ERC2: variants seen among roughly 807,000 people sequenced by gnomAD.
ERC2 encodes ELKS/RAB6-interacting/CAST family member 2.
ERC2 carries 42 observed loss-of-function variants against 114.8 expected under a neutral mutation model. The ratio of observed to expected loss-of-function variants is 0.37; its 90% confidence interval spans 0.29 to 0.47. The LOEUF (loss-of-function observed/expected upper bound fraction) is 0.47, where lower values mean the gene tolerates loss of function less well. Ranked by LOEUF, ERC2 falls within the 20% of genes least tolerant of loss-of-function variation. ERC2 has a pLI of 0.99. For missense variants in ERC2, 939 were observed against 1,150.7 expected (o/e 0.82, Z 2.66); for synonymous variants, 454 against 425.5 (o/e 1.07, Z -0.82).
chr3:56,275,252 T>A (rs2053918040), intron 3 of ERC2, among the ~76,000 whole-genome samples: 1 of 152,218 alleles, frequency 6.6e-6, no homozygotes, highest in African/African-American at 2.4e-5. Context: ...GGCAGAGCAC[T>A]AACTCAAGCA....
intron 14 of ERC2, among the ~76,000 whole-genome samples, chr3:55,844,027 T>C (rs1294099721): frequency 6.6e-6 from 1 of 152,194 alleles, no homozygotes; most frequent in Non-Finnish European, 1.5e-5. Context: ...ATGGAAACCA[T>C]GCCAAAGTAA....
chr3:55,904,372 G>A (rs1056187942), intron 13 of ERC2, among the ~76,000 whole-genome samples: 12 of 152,274 alleles, frequency 7.9e-5, no homozygotes, highest in South Asian at 6.2e-4. Context: ...CCCCCTGATC[G>A]AAAATACAGC....
chr3:56,403,554 G>C (rs778977052), intron 2 of ERC2, among the ~76,000 whole-genome samples: 1 of 152,146 alleles, frequency 6.6e-6, no homozygotes, highest in Non-Finnish European at 1.5e-5. Flanking sequence ...TCCACGGACC[G>C]GCAGTATCGG....
chr3:56,341,790 G>T (rs1463964875), intron 2 of ERC2, among the ~76,000 whole-genome samples: 1 of 151,956 alleles, frequency 6.6e-6, no homozygotes, highest in Non-Finnish European at 1.5e-5. Context: ...TCTAATTATT[G>T]GTGATCCCTG....
At chr3:56,183,962 C>T (rs775150075) in intron 3 of ERC2, among the ~76,000 whole-genome samples, 33 of 152,034 alleles carry the variant, frequency 2.2e-4, no homozygotes, top group Non-Finnish European at 4.7e-4. Flanking sequence ...GACAGGGAAA[C>T]AGTTTCCATG....
chr3:56,175,215 A>G (rs1403670198), intron 3 of ERC2, among the ~76,000 whole-genome samples: 1 of 152,174 alleles, frequency 6.6e-6, no homozygotes, highest in African/African-American at 2.4e-5. Context: ...CAGGAATCTG[A>G]AAAGAATATT....
intron 3 of ERC2, among the ~76,000 whole-genome samples, chr3:56,247,272 A>AAT (rs142454022): frequency 0.015 from 2,343 of 152,304 alleles, 63 homozygotes; most frequent in African/African-American, 0.052. Flanking sequence ...AGAATTATAG[A>AAT]ATATTTTTCT....
chr3:56,215,462 A>G (rs1404119564), intron 3 of ERC2, among the ~76,000 whole-genome samples: 1 of 152,240 alleles, frequency 6.6e-6, no homozygotes, highest in African/African-American at 2.4e-5. Context: ...ATATATATGC[A>G]CCCAATACAG....
intron 2 of ERC2, among the ~76,000 whole-genome samples, chr3:56,420,095 C>T (rs1477631604): frequency 1.3e-5 from 2 of 150,446 alleles, no homozygotes; most frequent in African/African-American, 4.9e-5. Flanking sequence ...AGGGATGAAT[C>T]GGTGAGTTTT....
chr3:55,643,379 G>A (rs1191281198), intron 17 of ERC2, among the ~76,000 whole-genome samples: 1 of 152,164 alleles, frequency 6.6e-6, no homozygotes, highest in African/African-American at 2.4e-5. Context: ...ATAGAGCACT[G>A]GCAAGGCCAA....
chr3:55,628,540 T>C (rs1312597723), intron 17 of ERC2, among the ~76,000 whole-genome samples: 1 of 152,196 alleles, frequency 6.6e-6, no homozygotes, highest in Non-Finnish European at 1.5e-5. Flanking sequence ...TTTCCTTCCT[T>C]CTACTTCTTT....
intron 7 of ERC2, among the ~76,000 whole-genome samples, chr3:56,057,346 A>C (rs2076059936): frequency 1.3e-5 from 2 of 152,186 alleles, no homozygotes; most frequent in African/African-American, 4.8e-5. Context: ...TCCTTATCTT[A>C]ACATTTCTTG....
At chr3:56,142,441 T>C (rs571999848) in intron 5 of ERC2, among the ~76,000 whole-genome samples, 2 of 152,328 alleles carry the variant, frequency 1.3e-5, no homozygotes, top group South Asian at 4.1e-4. Flanking sequence ...ATTTTCTGTT[T>C]CATTCATGTC....
intron 14 of ERC2, among the ~76,000 whole-genome samples, chr3:55,818,896 A>G (rs546383332): frequency 6.6e-6 from 1 of 152,346 alleles, no homozygotes; most frequent in South Asian, 2.1e-4. Flanking sequence ...AATGTATATA[A>G]CTTGTTTCCG....
At chr3:55,931,268 T>G (rs1328117977) in intron 13 of ERC2, among the ~76,000 whole-genome samples, 1 of 152,160 alleles carries the variant, frequency 6.6e-6, no homozygotes, top group South Asian at 2.1e-4. Context: ...ACCCAAAGGA[T>G]TATAAATCAT....
chr3:56,096,266 A>C (rs1487500819), intron 6 of ERC2, among the ~76,000 whole-genome samples: 2 of 152,214 alleles, frequency 1.3e-5, no homozygotes, highest in Non-Finnish European at 2.9e-5. Flanking sequence ...ATATTCTAGC[A>C]GTTATCATTA....
At chr3:55,561,557 A>G (rs551788523) in intron 17 of ERC2, among the ~76,000 whole-genome samples, 2 of 152,212 alleles carry the variant, frequency 1.3e-5, no homozygotes, top group Non-Finnish European at 2.9e-5. Flanking sequence ...AGGTCCTTCT[A>G]GAATCCTCAT....
intron 14 of ERC2, among the ~76,000 whole-genome samples, chr3:55,831,911 G>A (rs2060618898): frequency 6.6e-6 from 1 of 152,230 alleles, no homozygotes; most frequent in South Asian, 2.1e-4. Context: ...CGAATACTGT[G>A]CTTTTCCAAC....
chr3:55,515,437 G>A (rs1444438928), intron 17 of ERC2, among the ~76,000 whole-genome samples: 2 of 151,822 alleles, frequency 1.3e-5, no homozygotes, highest in Non-Finnish European at 2.9e-5. Flanking sequence ...GCGCAATCTC[G>A]GCTCACTGCA....
Sources: allele counts gnomAD v4.1 joint callset (sites outside exome capture counted in the v4.1 genomes callset), GRCh38; gene constraint gnomAD v4.1.1; transcripts MANE v1.5; gene names NCBI Gene and HGNC (gene_info 2026-07-23, HGNC 2026-07-21).